Variants in ZFYVE26 observed in about 807,000 individuals in gnomAD.
ZFYVE26 encodes zinc finger FYVE-type containing 26.
Under a neutral mutation model 276.5 loss-of-function variants are expected in ZFYVE26, and 181 were observed. The observed-to-expected ratio is 0.65, with a 90% CI of 0.58 to 0.74. The LOEUF is 0.74. ZFYVE26 is among the 30% of genes least tolerant of loss of function. The pLI is 0.00. For synonymous variants in ZFYVE26, 1,129 were observed against 1,203.1 expected (o/e 0.94, Z 1.27); for missense variants, 2,821 against 3,097.9 (o/e 0.91, Z 2.12).
intron 35 of ZFYVE26, among the ~76,000 whole-genome samples, chr14:67,758,622 G>T (rs916059835): frequency 1.3e-5 from 1 of 77,770 alleles, no homozygotes; most frequent in Non-Finnish European, 2.7e-5. Flanking sequence ...AGGATAAATA[G>T]AATTTTATTT....
rs758816524 is a variant in ZFYVE26 at position 67,775,956 on chromosome 14, C to T, written c.5125G>A (p.Glu1709Lys). ...QTLQQLLVGQEIGFTMDEVDS... is the reference protein window; with the variant it reads ...QTLQQLLVGQKIGFTMDEVDS... ...ACCTCGTCCATAGTGAAGCCAATCT[C>T]CTGTCCAACCAGCAGCTGCTGGAGA... The change falls in exon 26 of 42, where the codon GAG (glutamate) becomes AAG (lysine). Residue 1709 changes from glutamate (E) to lysine (K), a missense_variant. Transcript: ENST00000347230. The T allele has an allele frequency of 1.9e-6, 3 of 1,614,206 alleles. No homozygotes were observed. The highest frequency in any genetic ancestry group is 3.3e-5 in the Admixed American group (2 of 60,028).
At chr14:67,813,339 A>C (rs186293838) in intron 3 of ZFYVE26, among the ~76,000 whole-genome samples, 1 of 152,302 alleles carries the variant, frequency 6.6e-6, no homozygotes, top group East Asian at 1.9e-4. Flanking sequence ...GAGGTTCTTC[A>C]CTTAAATCTC....
At chr14:67,815,347 C>T (rs957317478) in intron 2 of ZFYVE26, among the ~76,000 whole-genome samples, 7 of 152,128 alleles carry the variant, frequency 4.6e-5, no homozygotes, top group Non-Finnish European at 1.0e-4. Flanking sequence ...CGCTGGACTC[C>T]ATTATTTTTG....
rs373043055 is a variant in ZFYVE26 at position 67,804,204 on chromosome 14, C to T, written c.1332G>A (p.Val444=). The change falls in exon 9 of 42, where the codon GTG becomes GTA. Residue 444 remains valine, a synonymous_variant. Transcript: ENST00000347230. ...TTGTAAGGTGATGGAGAGTGTAGAGCACTGAGTGGCTGTCTCCACCGTGTA... is the reference window on the plus strand; with the variant it reads ...TTGTAAGGTGATGGAGAGTGTAGAGTACTGAGTGGCTGTCTCCACCGTGTA... The part of the protein sequence containing the change: ...YHLHGGDSHS[V]LYTLHHLTNL... The T allele has an allele frequency of 5.6e-6, 9 of 1,614,170 alleles. 1 individual carries two copies. The highest frequency in any genetic ancestry group is 6.8e-6 in the Non-Finnish European group (8 of 1,180,032).
chr14:67,766,148 A>G, intron 32 of ZFYVE26, 79 bp downstream of exon 32: 3 of 1,398,778 alleles, frequency 2.1e-6, no homozygotes, highest in Non-Finnish European at 3.0e-6. Context: ...GTGAGATAAA[A>G]AAATCACAGT....
chr14:67,761,633 A>G, intron 34 of ZFYVE26, 49 bp from the exon 35 acceptor site: 2 of 1,531,194 alleles, frequency 1.3e-6, no homozygotes, highest in Non-Finnish European at 1.8e-6. Context: ...AAAAGTTCTC[A>G]GCAGGCACTG....
At chr14:67,758,999 G>T (rs912449867) in intron 35 of ZFYVE26, among the ~76,000 whole-genome samples, 59 of 151,852 alleles carry the variant, frequency 3.9e-4, no homozygotes, top group African/African-American at 1.4e-3. Flanking sequence ...CAGCACTTTG[G>T]GAGGCCGAGG....
Position 67,807,468 on chromosome 14 carries a change from C to A in ZFYVE26, c.816G>T (p.Leu272=), listed in dbSNP as rs1186294289. Residue 272 remains leucine (L), a synonymous_variant, in exon 5 of 42, where the codon CTG becomes CTT. Coordinates refer to ENST00000347230, the MANE Select transcript of ZFYVE26 (RefSeq NM_015346.4). ...CTGCATAGGTATGGCCATACAGGGA[C>A]AGCAGGCCCCGGCTGGCCTTGTGCA... ...CLLHKASRGL[L]SLYGHTYAEK... The A allele has an allele frequency of 4.3e-6, 7 of 1,614,162 alleles. No homozygotes were observed. The highest frequency in any genetic ancestry group is 2.2e-5 in the East Asian group (1 of 44,886).
chr14:67,803,001 T>C (rs2040108849), intron 9 of ZFYVE26, among the ~76,000 whole-genome samples: 1 of 152,228 alleles, frequency 6.6e-6, no homozygotes, highest in Non-Finnish European at 1.5e-5. Context: ...AATGTATATA[T>C]GCATCAACAC....
intron 13 of ZFYVE26, among the ~76,000 whole-genome samples, chr14:67,731,696 A>AT (rs1407243260): frequency 6.6e-6 from 1 of 152,136 alleles, no homozygotes; most frequent in African/African-American, 2.4e-5. Flanking sequence ...AAACTATATG[A>AT]TTTTTTATAC....
At chr14:67,795,104 A>G (rs543109150) in intron 12 of ZFYVE26, among the ~76,000 whole-genome samples, 36 of 152,310 alleles carry the variant, frequency 2.4e-4, no homozygotes, top group Admixed American at 7.8e-4. Flanking sequence ...TAGCCTGGTC[A>G]TTCGAGGGGC....
At chr14:67,733,753 A>C (rs778445840) in intron 13 of ZFYVE26, 1 of 1,612,000 alleles carries the variant, frequency 6.2e-7, no homozygotes, top group African/African-American at 1.3e-5. Flanking sequence ...CAGTGACTGC[A>C]AGAGGACCTG....
intron 16 of ZFYVE26, among the ~76,000 whole-genome samples, chr14:67,787,456 C>G (rs1177503161): frequency 1.3e-5 from 2 of 152,072 alleles, no homozygotes; most frequent in African/African-American, 2.4e-5. Context: ...TTAACAATAA[C>G]TAAAAGAGTC....
intron 32 of ZFYVE26, among the ~76,000 whole-genome samples, chr14:67,765,254 C>G (rs2039027009): frequency 6.6e-6 from 1 of 152,078 alleles, no homozygotes; most frequent in Admixed American, 6.6e-5. Context: ...GTTTTTGTTA[C>G]TAAAAATAAT....
chr14:67,769,844 A>G, intron 28 of ZFYVE26, 114 bp from the exon 29 acceptor site: 2 of 1,412,568 alleles, frequency 1.4e-6, no homozygotes, highest in South Asian at 1.2e-5. Context: ...AAGAACACCA[A>G]CTGCTTGGGT....
At chr14:67,794,474 A>C (rs146451087) in intron 12 of ZFYVE26, among the ~76,000 whole-genome samples, 1 of 152,350 alleles carries the variant, frequency 6.6e-6, no homozygotes, top group African/African-American at 2.4e-5. Context: ...AGTGGTTCCC[A>C]ACCTGTGGGT....
In ZFYVE26 at chr14:67,775,995, C is replaced by A. The variant is rs1295390304; in HGVS notation, c.5086G>T (p.Val1696Leu). The change falls in exon 26 of 42, where the codon GTG becomes TTG. Residue 1696 changes from valine to leucine, a missense_variant. Val to Leu is a conservative substitution (Grantham distance 32). Coordinates refer to ENST00000347230, the MANE Select transcript of ZFYVE26 (RefSeq NM_015346.4). ...LMNMKVDWAT[V>L]AVQTLQQLLV... ...AGCTGCTGGAGAGTCTGCACAGCCA[C>A]AGTGGCCCAATCCACCTTCATGTTC... 6.2e-7 allele frequency: 1 copy of A among 1,614,238 alleles called. No homozygotes were observed. The highest frequency in any genetic ancestry group is 1.1e-5 in the South Asian group (1 of 91,088).
At chr14:67,793,552 G>A (rs975063128) in intron 14 of ZFYVE26, 56 bp downstream of exon 14, 32 of 1,589,842 alleles carry the variant, frequency 2.0e-5, no homozygotes, top group Admixed American at 1.4e-4. Context: ...TACATGCTCC[G>A]AGCCTTACCT....
intron 35 of ZFYVE26, among the ~76,000 whole-genome samples, chr14:67,758,347 T>C (rs116299319): frequency 0.015 from 2,301 of 152,308 alleles, 41 homozygotes; most frequent in African/African-American, 0.043. Flanking sequence ...ACAGGAGAGA[T>C]AGAACACCTC....
Sources: allele counts gnomAD v4.1 joint callset (sites outside exome capture counted in the v4.1 genomes callset), GRCh38; gene constraint gnomAD v4.1.1; transcripts MANE v1.5; gene names NCBI Gene and HGNC (gene_info 2026-07-23, HGNC 2026-07-21).